Variants in NSUN7 observed in about 807,000 individuals in gnomAD.
NSUN7 encodes the protein NOP2/Sun RNA methyltransferase family member 7.
Under a neutral mutation model 58.5 loss-of-function variants are expected in NSUN7, and 39 were observed. The ratio of observed to expected loss-of-function variants is 0.67; its 90% CI spans 0.52 to 0.87. The LOEUF is 0.87. Ranked by LOEUF, NSUN7 falls within the 40% of genes least tolerant of loss-of-function variation. NSUN7 has a pLI of 0.00. For synonymous variants in NSUN7, 278 were observed against 303.7 expected (o/e 0.92, Z 0.88); for missense variants, 765 against 844.1 (o/e 0.91, Z 1.16).
At chr4:40,803,887 T>G (rs956171032) in intron 10 of NSUN7, among the ~76,000 whole-genome samples, 1 of 151,990 alleles carries the variant, frequency 6.6e-6, no homozygotes, top group South Asian at 2.1e-4. Flanking sequence ...CTGGGCAACA[T>G]AGAGAGACCC....
At chr4:40,758,698 TAAAA>T in intron 2 of NSUN7, among the ~76,000 whole-genome samples, 1 of 151,162 alleles carries the variant, frequency 6.6e-6, no homozygotes, top group East Asian at 1.9e-4. Context: ...AAACAAAAAA[TAAAA>T]ATAAAAACAA....
intron 2 of NSUN7, among the ~76,000 whole-genome samples, chr4:40,752,164 GGCCAAAATGATGAGCAGAA>G (rs1315223322): frequency 1.3e-5 from 2 of 152,218 alleles, no homozygotes; most frequent in African/African-American, 4.8e-5. Context: ...TTAGCAGCAT[GGCCAAAATGATGAGCAGAA>G]GCCTTCCTAA....
rs541085518 is a variant in NSUN7 at position 40,808,921 on chromosome 4, T to C, written c.2139T>C (p.Pro713=). ...KDDTPSSLLR[P]PRRWL ...ACACACCTTCCTCCCTACTCAGGCC[T>C]CCTCGGCGATGGCTTTGATTGTCTT... The change falls in exon 12 of 12, where the codon CCT becomes CCC. Residue 713 remains proline (P), a synonymous_variant. Transcript: ENST00000381782. 1.6e-4 allele frequency: 248 copies of C among 1,522,400 alleles called. No homozygotes were observed. The highest frequency in any genetic ancestry group is 2.1e-4 in the Non-Finnish European group (239 of 1,135,966). 94.3% of individuals were successfully genotyped at this position (1,522,400 alleles called of 1,614,324 possible). A position where few individuals can be genotyped will look rare whatever the true frequency, so the allele number is the denominator to read the frequency against.
chr4:40,794,409 C>A lies in NSUN7; in HGVS notation c.1215C>A (p.Gly405=). The change falls in exon 9 of 12, where the codon GGC becomes GGA. Residue 405 remains glycine (G), a synonymous_variant. Coordinates refer to ENST00000381782, the MANE Select transcript of NSUN7 (RefSeq NM_024677.6). ...TCCTTAAAGATCACTCTCAAGGAGG[C>A]ATCTCAGTGGACAAACTTCACGTTC... ...TEFLKDHSQG[G]ISVDKLHVLA... 1 of 1,610,866 alleles carries A rather than the reference C, an allele frequency of 6.2e-7. No homozygotes were observed. The highest frequency in any genetic ancestry group is 8.5e-7 in the Non-Finnish European group (1 of 1,177,472).
chr4:40,796,912 T>A (rs1238584750), intron 9 of NSUN7, among the ~76,000 whole-genome samples: 1 of 152,176 alleles, frequency 6.6e-6, no homozygotes, highest in African/African-American at 2.4e-5. Flanking sequence ...CTGGGAACAG[T>A]GTTTCCTCAG....
Position 40,750,900 on chromosome 4 carries a change from G to A in NSUN7, c.207G>A (p.Lys69=), listed in dbSNP as rs1215484159. The change falls in exon 2 of 12, where the codon AAG becomes AAA. Residue 69 remains lysine (K), a synonymous_variant. Transcript: ENST00000381782. ...IEKSAQKVLI[K]YGNEPLRSLS... is the part of the protein sequence containing the mutation. ...AGTCGGCACAGAAAGTCTTAATCAA[G>A]TATGGGAATGAACCCCTGCGGTCCT... The A allele has an allele frequency of 5.6e-6, 9 of 1,614,200 alleles. No individual in the cohort carries two copies. The highest frequency in any genetic ancestry group is 1.7e-5 in the Admixed American group (1 of 60,024).
intron 4 of NSUN7, among the ~76,000 whole-genome samples, chr4:40,765,298 T>C (rs1398914789): frequency 4.0e-5 from 5 of 123,684 alleles, no homozygotes; most frequent in Non-Finnish European, 8.5e-5. Context: ...TTTCTACATA[T>C]GGCTAGCCAG....
In NSUN7 at chr4:40,809,316, A is replaced by G. The variant is rs1577595094; in HGVS notation, c.*377A>G. 2 of 169,628 alleles carry G rather than the reference A, an allele frequency of 1.2e-5. No homozygotes were observed. The highest frequency in any genetic ancestry group is 6.3e-5 in the Admixed American group (1 of 15,992). 10.5% of individuals were successfully genotyped at this position (169,628 alleles called of 1,614,324 possible). A position where few individuals can be genotyped will look rare whatever the true frequency, so the allele number is the denominator to read the frequency against. The stretch of plus-strand genomic sequence containing the variant: ...GCTCATTAGAAAGCCAAACAGGCAA[A>G]CGATCCTGGCCTCTCCCGCCAGCTG... On this transcript the variant is annotated 3_prime_UTR_variant, in exon 12 of 12. Transcript: ENST00000381782.
rs1157059789 is a variant in NSUN7, at chr4:40,805,313, C to T, written c.1401-1748C>T. Among the ~76,000 whole-genome samples the T allele has an allele frequency of 2.0e-5, 3 of 152,142 alleles. No individual in the cohort carries two copies. In the East Asian group the frequency reaches 5.8e-4, roughly 29 times the overall value. ...GGAACAGTTTACTTCCAAACCCACG[C>T]TTGTGTTTGCGGGACTGAGGTCCTC... On this transcript the variant is annotated intron_variant, in intron 10 of 11. Transcript: ENST00000381782.
chr4:40,765,556 C>G (rs1479007466), intron 4 of NSUN7, among the ~76,000 whole-genome samples: 1 of 151,556 alleles, frequency 6.6e-6, no homozygotes, highest in Non-Finnish European at 1.5e-5. Context: ...ATTGACTTGG[C>G]GATGTGGGCT....
At chr4:40,757,808 T>C (rs943806074) in intron 2 of NSUN7, among the ~76,000 whole-genome samples, 1 of 151,316 alleles carries the variant, frequency 6.6e-6, no homozygotes, top group Non-Finnish European at 1.5e-5. Flanking sequence ...AAGGTGATAC[T>C]GGTTTTGACA....
rs769736362 is a variant in NSUN7, at chr4:40,751,028, A to G, written c.298+37A>G. 34 of 1,597,192 alleles carry G rather than the reference A, an allele frequency of 2.1e-5. No homozygotes were observed. The East Asian group carries it at 7.6e-4, about 36-fold the overall frequency. ...CAGTCTGGAAGATCAACACTAAAAG[A>G]AAATAATAGCGAGAGAATTTGGGGA... On this transcript the variant is annotated intron_variant, in intron 2 of 11. Coordinates refer to ENST00000381782, the MANE Select transcript of NSUN7 (RefSeq NM_024677.6).
At chr4:40,764,184 G>A (rs914537347) in intron 4 of NSUN7, among the ~76,000 whole-genome samples, 15 of 148,762 alleles carry the variant, frequency 1.0e-4, no homozygotes, top group Admixed American at 2.7e-4. Context: ...CCATTAACTC[G>A]TCATTTAGCA....
chr4:40,805,389 AT>A (rs1743770942), intron 10 of NSUN7, among the ~76,000 whole-genome samples: 1 of 151,974 alleles, frequency 6.6e-6, no homozygotes, highest in Admixed American at 6.6e-5. Context: ...AGGCCACTTT[AT>A]TCCTTGTCCC....
At chr4:40,769,150 T>C (rs1741880112) in intron 4 of NSUN7, among the ~76,000 whole-genome samples, 1 of 152,214 alleles carries the variant, frequency 6.6e-6, no homozygotes, top group Admixed American at 6.5e-5. Flanking sequence ...TTTCCACTAC[T>C]ACCATCCAAA....
intron 2 of NSUN7, among the ~76,000 whole-genome samples, chr4:40,753,617 G>A (rs1215726635): frequency 4.6e-5 from 7 of 152,036 alleles, no homozygotes; most frequent in African/African-American, 1.7e-4. Context: ...TTCTTGAAAC[G>A]TTCGTTTTTA....
chr4:40,810,175 A>G lies in NSUN7; in HGVS notation c.*1236A>G, dbSNP rs1744131754. ...AGGTCTACTTCAGCTCTGATATTCT[A>G]TTTTTACTTTCTTACTTGAAGTGAG... On this transcript the variant is annotated 3_prime_UTR_variant, in exon 12 of 12. Transcript: ENST00000381782. The G allele has an allele frequency of 6.6e-6, 1 of 152,100 alleles. No individual in the cohort carries two copies. Among genetic ancestry groups the G allele is most frequent in the South Asian group, 2.1e-4 (1 of 4,828 alleles). 9.4% of individuals were successfully genotyped at this position (152,100 alleles called of 1,614,324 possible). A position where few individuals can be genotyped will look rare whatever the true frequency, so the allele number is the denominator to read the frequency against.
intron 10 of NSUN7, among the ~76,000 whole-genome samples, chr4:40,804,627 G>A (rs1403131969): frequency 6.6e-6 from 1 of 152,022 alleles, no homozygotes; most frequent in African/African-American, 2.4e-5. Flanking sequence ...TTGAGCTTGA[G>A]GTCTAGGTTG....
chr4:40,752,643 A>G (rs1323096824), intron 2 of NSUN7, among the ~76,000 whole-genome samples: 1 of 151,980 alleles, frequency 6.6e-6, no homozygotes, highest in Non-Finnish European at 1.5e-5. Flanking sequence ...GATGGTCTCC[A>G]TCTCCTGACT....
Sources: gnomAD v4.1 joint callset for allele counts (sites outside exome capture counted in the v4.1 genomes callset) on GRCh38, gnomAD v4.1.1 for gene constraint, MANE v1.5 for transcripts, NCBI Gene and HGNC (gene_info 2026-07-23, HGNC 2026-07-21) for gene names.